SEPTIN9: variants seen among roughly 807,000 people sequenced by gnomAD.
SEPTIN9 encodes septin-9.
SEPTIN9 carries 13 observed loss-of-function variants against 56.6 expected under a neutral mutation model. The ratio of observed to expected loss-of-function variants is 0.23; its 90% CI spans 0.15 to 0.37. SEPTIN9 has a LOEUF of 0.37. SEPTIN9 is among the 10% of genes least tolerant of loss of function. SEPTIN9 has a pLI of 1.00. For missense variants in SEPTIN9, 650 were observed against 823.1 expected (o/e 0.79, Z 2.57); for synonymous variants, 332 against 334.1 (o/e 0.99, Z 0.07).
In SEPTIN9 at chr17:77,470,340, A is replaced by G. The variant is rs534450951; in HGVS notation, c.722-11804A>G. On this transcript the variant is annotated intron_variant, in intron 3 of 11. Transcript: ENST00000427177. The stretch of plus-strand genomic sequence containing the variant: ...CATCCATCTACCCATCCTCTCATCT[A>G]TCCATCCACTCATCTACCCATCCAC... Among the ~76,000 whole-genome samples, 641 of 150,398 alleles carry G rather than the reference A, an allele frequency of 4.3e-3. 9 individuals are homozygous for G. The highest frequency in any genetic ancestry group is 0.015 in the African/African-American group (608 of 40,772).
chr17:77,427,528 T>C (rs1165185321), intron 3 of SEPTIN9, among the ~76,000 whole-genome samples: 5 of 152,174 alleles, frequency 3.3e-5, no homozygotes, highest in Non-Finnish European at 1.5e-5. Flanking sequence ...GTGAATGGGT[T>C]CCATCTGCAG....
rs575987352 is a variant in SEPTIN9, at chr17:77,282,845, CTT to C, written c.19+1292_19+1293del. 7.2e-5 allele frequency among the ~76,000 whole-genome samples: 11 copies of C among 152,332 alleles called. No individual in the cohort carries two copies. In the South Asian group the frequency reaches 2.3e-3, roughly 32 times the overall value. ...CTTCCTCCCCAACATGCTCCAAATA[CTT>C]GAGATTGTTGTGGGGATCGCGCGGT... On this transcript the variant is annotated intron_variant, in intron 1 of 11. Coordinates refer to ENST00000427177, the MANE Select transcript of SEPTIN9 (RefSeq NM_001113491.2).
At chr17:77,417,812 T>G (rs916301532) in intron 3 of SEPTIN9, among the ~76,000 whole-genome samples, 3 of 152,186 alleles carry the variant, frequency 2.0e-5, no homozygotes, top group African/African-American at 7.2e-5. Context: ...TCTTAAGAAT[T>G]CCTCAGCTGC....
chr17:77,451,579 C>T lies in SEPTIN9; in HGVS notation c.722-30565C>T, dbSNP rs1204608029. 5 of 982,214 alleles carry T rather than the reference C, an allele frequency of 5.1e-6. No individual in the cohort carries two copies. In the African/African-American group the frequency reaches 5.2e-5, roughly 10 times the overall value. The allele number at this position is 982,214 out of a possible 1,614,324, so 60.8% of individuals were successfully genotyped here. ...CAGCCTTGCACCACTGGCTCGGGGG[C>T]TCTCAGGTGGCGCGGCCGCGAGGCG... is the stretch of plus-strand genomic sequence containing the variant. On this transcript the variant is annotated intron_variant, in intron 3 of 11. Transcript: ENST00000427177. This position sits in a 1 kb window ranked among gnomAD's most constrained non-coding sequence, Gnocchi z 4.2.
chr17:77,350,243 C>G (rs420174), intron 2 of SEPTIN9, among the ~76,000 whole-genome samples: 1 of 151,722 alleles, frequency 6.6e-6, no homozygotes, highest in Non-Finnish European at 1.5e-5. Context: ...CAGGGTTGGG[C>G]GGGAAGCCTG....
Position 77,495,180 on chromosome 17 carries a change from AAG to A in SEPTIN9, c.1573+2111_1573+2112del, listed in dbSNP as rs537243282. Among the ~76,000 whole-genome samples, 23 of 64,280 alleles carry A rather than the reference AAG, an allele frequency of 3.6e-4. No individual in the cohort carries two copies. The East Asian group carries it at 4.4e-3, about 12-fold the overall frequency. 42.2% of individuals were successfully genotyped at this position (64,280 alleles called of 152,430 possible). On this transcript the variant is annotated intron_variant, in intron 10 of 11. Transcript: ENST00000427177. ...TGACAGAAACTGTCAGGAAATGCAC[AAG>A]AGAGAGGTCCCCGCACCTCTCTGAC...
At chr17:77,295,694 C>G (rs565241664) in intron 1 of SEPTIN9, among the ~76,000 whole-genome samples, 115 of 152,240 alleles carry the variant, frequency 7.6e-4, no homozygotes, top group Admixed American at 5.0e-3. Context: ...GAGCTCCCCT[C>G]TCTTCCCACC....
chr17:77,350,581 A>G (rs2034024181), intron 2 of SEPTIN9, among the ~76,000 whole-genome samples: 1 of 150,300 alleles, frequency 6.7e-6, no homozygotes. Context: ...ATCTGGAAGA[A>G]GCTCTGCCTC....
chr17:77,393,327 T>C (rs962227594), intron 2 of SEPTIN9, among the ~76,000 whole-genome samples: 4 of 152,168 alleles, frequency 2.6e-5, no homozygotes, highest in African/African-American at 9.7e-5. Flanking sequence ...GGCCAAGGAC[T>C]GCACTGCTCA....
intron 3 of SEPTIN9, among the ~76,000 whole-genome samples, chr17:77,466,060 A>T (rs1172134286): frequency 7.3e-3 from 259 of 35,250 alleles, no homozygotes; most frequent in Middle Eastern, 0.042. Flanking sequence ...ACTGTCACAC[A>T]CACACACACA....
Position 77,330,791 on chromosome 17 carries a change from T to G in SEPTIN9, c.76+23594T>G, listed in dbSNP as rs1212339728. Reference sequence around the variant, plus strand: ...ACCCCGGGCCTGGGCCTCTCCATTCTGTGGCGTTGTCTTTCCTCAGAGTTG... The same window carrying G: ...ACCCCGGGCCTGGGCCTCTCCATTCGGTGGCGTTGTCTTTCCTCAGAGTTG... On this transcript the variant is annotated intron_variant, in intron 2 of 11. Coordinates refer to ENST00000427177, the MANE Select transcript of SEPTIN9 (RefSeq NM_001113491.2). The surrounding 1 kb of genome is among the most constrained non-coding windows in gnomAD (Gnocchi z 4.4). Among the ~76,000 whole-genome samples, 1 of 152,244 alleles carries G rather than the reference T, an allele frequency of 6.6e-6. No individual in the cohort carries two copies. Among genetic ancestry groups the G allele is most frequent in the Non-Finnish European group, 1.5e-5 (1 of 68,036 alleles).
intron 3 of SEPTIN9, among the ~76,000 whole-genome samples, chr17:77,457,224 C>T (rs2038245124): frequency 6.6e-6 from 1 of 152,178 alleles, no homozygotes; most frequent in Admixed American, 6.5e-5. Flanking sequence ...AGCCTCGGCC[C>T]TCGCTCTGGC....
chr17:77,482,538 G>A (rs1030151068), intron 4 of SEPTIN9: 3 of 712,016 alleles, frequency 4.2e-6, no homozygotes, highest in South Asian at 1.5e-5. Flanking sequence ...CCTCAGAGGG[G>A]CCTGTCCTGC....
At chr17:77,457,803 G>T (rs1181599367) in intron 3 of SEPTIN9, among the ~76,000 whole-genome samples, 1 of 152,260 alleles carries the variant, frequency 6.6e-6, no homozygotes, top group Non-Finnish European at 1.5e-5. Context: ...CCTCAGTGAC[G>T]CAGTGAAGTC....
chr17:77,283,064 GTC>G (rs922793636), intron 1 of SEPTIN9, among the ~76,000 whole-genome samples: 2 of 151,942 alleles, frequency 1.3e-5, no homozygotes, highest in African/African-American at 4.8e-5. Flanking sequence ...CAGGCTTGGA[GTC>G]TCTGCACCTG....
At chr17:77,381,950 A>C (rs9892045) in intron 2 of SEPTIN9, among the ~76,000 whole-genome samples, 33,206 of 152,060 alleles carry the variant, frequency 0.22, 3,765 homozygotes, top group East Asian at 0.49. Flanking sequence ...TCCTAACCAG[A>C]GACCGGGGTA....
intron 2 of SEPTIN9, among the ~76,000 whole-genome samples, chr17:77,350,124 G>GGGCC (rs1383360259): frequency 1.3e-5 from 2 of 152,204 alleles, no homozygotes; most frequent in Non-Finnish European, 2.9e-5. Flanking sequence ...TCAGGGCCAG[G>GGGCC]GGCCTGGCCT....
At chr17:77,440,091 A>G (rs1018320613) in intron 3 of SEPTIN9, among the ~76,000 whole-genome samples, 2 of 152,150 alleles carry the variant, frequency 1.3e-5, no homozygotes, top group Admixed American at 6.5e-5. Flanking sequence ...TCCAGTTCCC[A>G]TTTGTAACTG....
chr17:77,411,609 C>T (rs2036303659), intron 3 of SEPTIN9, among the ~76,000 whole-genome samples: 1 of 150,922 alleles, frequency 6.6e-6, no homozygotes, highest in African/African-American at 2.4e-5. Context: ...ACCATGTTGG[C>T]CAGGCTGCTC....
Sources: gnomAD v4.1 joint callset for allele counts (sites outside exome capture counted in the v4.1 genomes callset) on GRCh38, gnomAD v4.1.1 for gene constraint, Gnocchi (gnomAD v3.1) non-coding constraint, MANE v1.5 for transcripts, NCBI Gene and HGNC (gene_info 2026-07-23, HGNC 2026-07-21) for gene names.